ASAP1: variants seen among roughly 807,000 people sequenced by gnomAD.
ASAP1 encodes the protein arf-GAP with SH3 domain, ANK repeat and PH domain-containing protein 1.
ASAP1 carries 43 observed loss-of-function variants against 145.2 expected under a neutral mutation model. The observed-to-expected ratio is 0.30, with a 90% CI of 0.23 to 0.38. The LOEUF (loss-of-function observed/expected upper bound fraction) is 0.38. Ranked by LOEUF, ASAP1 falls within the 10% of genes least tolerant of loss-of-function variation. The probability of loss-of-function intolerance (pLI) is 1.00; values close to 1 mark genes in which losing one functional copy is unlikely to be tolerated. For synonymous variants in ASAP1, 546 were observed against 515.5 expected, an observed-to-expected ratio of 1.06 and a Z score of -0.80; for missense variants, 1,018 against 1,355.3, an observed-to-expected ratio of 0.75 and a Z score of 3.91.
intron 13 of ASAP1, among the ~76,000 whole-genome samples, chr8:130,138,305 C>T (rs948402614): frequency 6.6e-6 from 1 of 152,202 alleles, no homozygotes; most frequent in African/African-American, 2.4e-5. Flanking sequence ...GAAAACAATG[C>T]CCTTTGTCCC....
chr8:130,241,130 G>C lies in ASAP1; in HGVS notation c.187-4136C>G, dbSNP rs375435793. ...CTGACCATGCCTGCTCAGGACATTT[G>C]AACTAGTTGATTGCTCTGCCTAGAA... On this transcript the variant is annotated intron_variant, in intron 3 of 29. Transcript: ENST00000518721. Among the ~76,000 whole-genome samples, 378 of 152,186 alleles carry C rather than the reference G, an allele frequency of 2.5e-3. 2 individuals carry two copies. Among genetic ancestry groups the C allele is most frequent in the African/African-American group, 8.9e-3 (371 of 41,534 alleles).
intron 2 of ASAP1, among the ~76,000 whole-genome samples, chr8:130,370,599 C>A (rs1182736555): frequency 1.3e-5 from 2 of 152,120 alleles, no homozygotes; most frequent in Admixed American, 6.5e-5. Context: ...CCTTGTACAC[C>A]AATGTTCACA....
At chr8:130,406,265 CATT>C (rs1829023504) in intron 1 of ASAP1, among the ~76,000 whole-genome samples, 1 of 128,298 alleles carries the variant, frequency 7.8e-6, no homozygotes, top group African/African-American at 3.2e-5. Flanking sequence ...TTCATTCATT[CATT>C]ATTCTTAAAT....
intron 1 of ASAP1, among the ~76,000 whole-genome samples, chr8:130,410,671 C>G (rs577181961): frequency 3.9e-5 from 6 of 152,220 alleles, no homozygotes; most frequent in African/African-American, 1.4e-4. Flanking sequence ...TCACTCTCAG[C>G]GAGTATGCTG....
At chr8:130,230,413 G>A (rs1054347577) in intron 4 of ASAP1, among the ~76,000 whole-genome samples, 1 of 152,036 alleles carries the variant, frequency 6.6e-6, no homozygotes, top group Non-Finnish European at 1.5e-5. Flanking sequence ...AAGAGACACT[G>A]ATTTTTAAAC....
chr8:130,358,802 G>A lies in ASAP1; in HGVS notation c.60-659C>T, dbSNP rs1415003131. Among the ~76,000 whole-genome samples the A allele has an allele frequency of 4.7e-5, 7 of 148,398 alleles. No individual in the cohort carries two copies. Among genetic ancestry groups the A allele is most frequent in the African/African-American group, 1.7e-4 (7 of 40,374 alleles). ...CCTGGGGCCTGGCTCCGAAGCTGCC[G>A]CTCCCGACCCCGGCTGCGCGGCACG... On this transcript the variant is annotated intron_variant, in intron 2 of 29. Coordinates refer to ENST00000518721, the MANE Select transcript of ASAP1 (RefSeq NM_018482.4). This position sits in a 1 kb window ranked among gnomAD's most constrained non-coding sequence, Gnocchi z 4.1.
At chr8:130,310,678 C>G (rs1261832406) in intron 3 of ASAP1, among the ~76,000 whole-genome samples, 1 of 151,166 alleles carries the variant, frequency 6.6e-6, no homozygotes, top group Non-Finnish European at 1.5e-5. Flanking sequence ...ATCACATATT[C>G]TCTAGTTAAA....
intron 3 of ASAP1, among the ~76,000 whole-genome samples, chr8:130,248,465 G>C (rs1399137960): frequency 6.6e-6 from 1 of 152,176 alleles, no homozygotes; most frequent in African/African-American, 2.4e-5. Context: ...AGTGGCCACA[G>C]GAGGGATGAA....
chr8:130,185,729 CAAA>C (rs778486303), intron 7 of ASAP1, among the ~76,000 whole-genome samples: 1 of 57,144 alleles, frequency 1.7e-5, no homozygotes, highest in Non-Finnish European at 3.7e-5. Context: ...AACTCCGCCT[CAAA>C]AAAAAAAAAA....
At chr8:130,068,341 G>A (rs754883637) in intron 27 of ASAP1, among the ~76,000 whole-genome samples, 2 of 152,118 alleles carry the variant, frequency 1.3e-5, no homozygotes, top group Admixed American at 1.3e-4. Flanking sequence ...AGAAAATTAC[G>A]CAGGGACAAC....
At position 130,208,255 on chromosome 8, in the gene ASAP1, A is replaced by C. The variant is rs73427311; in HGVS notation, c.405+6301T>G. On this transcript the variant is annotated intron_variant, in intron 5 of 29. Coordinates refer to ENST00000518721, the MANE Select transcript of ASAP1 (RefSeq NM_018482.4). Reference sequence around the variant, plus strand: ...GCAAGACAACTAGGCCACAGACTTTACTAGAATTCCCCCCATTTTTGCATG... The same window carrying C: ...GCAAGACAACTAGGCCACAGACTTTCCTAGAATTCCCCCCATTTTTGCATG... 7.2e-3 allele frequency among the ~76,000 whole-genome samples: 1,092 copies of C among 152,292 alleles called. 11 individuals carry two copies. The highest frequency in any genetic ancestry group is 0.025 in the African/African-American group (1,031 of 41,552).
chr8:130,086,213 C>G (rs976666763), intron 25 of ASAP1, among the ~76,000 whole-genome samples: 2 of 152,228 alleles, frequency 1.3e-5, no homozygotes, highest in Admixed American at 1.3e-4. Flanking sequence ...AGGGCTGGCT[C>G]TCAGCCACAC....
intron 1 of ASAP1, among the ~76,000 whole-genome samples, chr8:130,433,933 G>A (rs1161493843): frequency 3.3e-5 from 5 of 152,312 alleles, no homozygotes; most frequent in Admixed American, 2.0e-4. Context: ...GAATTAAGGC[G>A]TGGAATTAAA....
In ASAP1 at chr8:130,219,218, T is replaced by TATTATAAAGTTAGTAAAGTCAATATTAGA. The variant is rs1817137841; in HGVS notation, c.260-4518_260-4517insTCTAATATTGACTTTACTAACTTTATAAT. On this transcript the variant is annotated intron_variant, in intron 4 of 29. Coordinates refer to ENST00000518721, the MANE Select transcript of ASAP1 (RefSeq NM_018482.4). ...TGTCTTTTTTTTTTTTAACATACTGTATTATAAAGTTAGTAAAGTCAATAC... is the reference window on the plus strand; with the variant it reads ...TGTCTTTTTTTTTTTTAACATACTGTATTATAAAGTTAGTAAAGTCAATATTAGAATTATAAAGTTAGTAAAGTCAATAC... Among the ~76,000 whole-genome samples the TATTATAAAGTTAGTAAAGTCAATATTAGA allele has an allele frequency of 8.0e-5, 12 of 150,688 alleles. No homozygotes were observed. The South Asian group carries it at 2.6e-3, about 32-fold the overall frequency.
At chr8:130,180,284 T>C (rs1329398629) in intron 8 of ASAP1, among the ~76,000 whole-genome samples, 2 of 152,212 alleles carry the variant, frequency 1.3e-5, no homozygotes, top group Non-Finnish European at 2.9e-5. Context: ...TCAATTGGAA[T>C]TCAGTTTGAG....
intron 5 of ASAP1, among the ~76,000 whole-genome samples, chr8:130,196,028 G>T (rs371235388): frequency 2.0e-5 from 3 of 152,200 alleles, no homozygotes; most frequent in African/African-American, 7.2e-5. Context: ...TAACTGATCA[G>T]ATCCCAAAGA....
chr8:130,195,848 AAC>A (rs1371225299), intron 5 of ASAP1, among the ~76,000 whole-genome samples: 1 of 152,240 alleles, frequency 6.6e-6, no homozygotes, highest in South Asian at 2.1e-4. Flanking sequence ...TGACTTCATA[AAC>A]AGTTTTCCCT....
intron 3 of ASAP1, among the ~76,000 whole-genome samples, chr8:130,348,716 C>T (rs571243619): frequency 1.3e-5 from 2 of 152,306 alleles, no homozygotes; most frequent in African/African-American, 2.4e-5. Context: ...CTTTAAGGCT[C>T]CTGCCTCCTA....
chr8:130,266,476 A>C (rs1302656431), intron 3 of ASAP1, among the ~76,000 whole-genome samples: 1 of 152,212 alleles, frequency 6.6e-6, no homozygotes, highest in Non-Finnish European at 1.5e-5. Context: ...TAAATGAATT[A>C]AATAAGCAGT....
Sources: gnomAD v4.1 joint callset for allele counts (sites outside exome capture counted in the v4.1 genomes callset) on GRCh38, gnomAD v4.1.1 for gene constraint, Gnocchi (gnomAD v3.1) non-coding constraint, MANE v1.5 for transcripts, NCBI Gene and HGNC (gene_info 2026-07-23, HGNC 2026-07-21) for gene names.